PPM1L: variants seen among roughly 807,000 people sequenced by gnomAD.
The protein encoded by PPM1L is protein phosphatase 1L.
In PPM1L, 13 loss-of-function variants were observed where a neutral mutation model predicts 31.4. That is an observed-to-expected ratio of 0.41 (90% CI 0.27 to 0.66). The LOEUF (loss-of-function observed/expected upper bound fraction) is 0.66, where lower values mean the gene tolerates loss of function less well. PPM1L is among the 30% of genes least tolerant of loss of function. The pLI, the probability that PPM1L is intolerant of heterozygous loss-of-function variation, is 0.29. For missense variants in PPM1L, 326 were observed against 453.7 expected, an observed-to-expected ratio of 0.72 and a Z score of 2.56; for synonymous variants, 184 against 175.4, an observed-to-expected ratio of 1.05 and a Z score of -0.39.
At chr3:160,815,884 A>C (rs2108087897) in intron 1 of PPM1L, among the ~76,000 whole-genome samples, 1 of 152,306 alleles carries the variant, frequency 6.6e-6, no homozygotes, top group Non-Finnish European at 1.5e-5. Context: ...GAACAGTGAA[A>C]GGTTATAAAT....
intron 2 of PPM1L, among the ~76,000 whole-genome samples, chr3:161,028,330 G>C (rs1718467780): frequency 6.6e-6 from 1 of 152,118 alleles, no homozygotes; most frequent in Admixed American, 6.5e-5. Context: ...ACAGAATGTA[G>C]AGTCCCTGTA....
At chr3:161,055,310 A>G (rs898681) in intron 2 of PPM1L, among the ~76,000 whole-genome samples, 95,843 of 151,942 alleles carry the variant, frequency 0.63, 32,561 homozygotes, top group East Asian at 0.97. Context: ...AGTAGGGGTC[A>G]GGGAGTCTTA....
intron 1 of PPM1L, among the ~76,000 whole-genome samples, chr3:160,870,296 G>A (rs932152649): frequency 5.9e-5 from 9 of 152,200 alleles, no homozygotes; most frequent in African/African-American, 2.2e-4. Context: ...TGAAGATCAC[G>A]AAGCAGTTGT....
At chr3:160,915,168 C>A (rs554213158) in intron 1 of PPM1L, among the ~76,000 whole-genome samples, 1 of 152,254 alleles carries the variant, frequency 6.6e-6, no homozygotes, top group South Asian at 2.1e-4. Flanking sequence ...CCCATCGTCT[C>A]AGCCCAAAAT....
At chr3:160,815,094 A>G (rs2108087441) in intron 1 of PPM1L, among the ~76,000 whole-genome samples, 1 of 152,240 alleles carries the variant, frequency 6.6e-6, no homozygotes, top group Non-Finnish European at 1.5e-5. Context: ...CCAGAATCTC[A>G]GAAATCACCA....
At chr3:160,937,105 C>G (rs1352242499) in intron 1 of PPM1L, among the ~76,000 whole-genome samples, 1 of 152,112 alleles carries the variant, frequency 6.6e-6, no homozygotes, top group Non-Finnish European at 1.5e-5. Context: ...TTTTTTACCT[C>G]TAGTAGAAGC....
chr3:160,905,311 G>C (rs1560146043), intron 1 of PPM1L, among the ~76,000 whole-genome samples: 1 of 152,070 alleles, frequency 6.6e-6, no homozygotes, highest in South Asian at 2.1e-4. Flanking sequence ...TTTGCCAATG[G>C]TAATTCTTAA....
chr3:160,953,696 C>T (rs1388167991), intron 1 of PPM1L, among the ~76,000 whole-genome samples: 1 of 152,048 alleles, frequency 6.6e-6, no homozygotes, highest in Non-Finnish European at 1.5e-5. Flanking sequence ...AAGTTTAATA[C>T]CTTTTCCTCA....
At chr3:161,040,069 G>C (rs891287278) in intron 2 of PPM1L, among the ~76,000 whole-genome samples, 1 of 152,136 alleles carries the variant, frequency 6.6e-6, no homozygotes, top group Non-Finnish European at 1.5e-5. Flanking sequence ...GAATGGGTTG[G>C]TTATTTCATT....
chr3:160,790,082 A>G (rs1010194908), intron 1 of PPM1L, among the ~76,000 whole-genome samples: 3 of 152,154 alleles, frequency 2.0e-5, no homozygotes, highest in African/African-American at 4.8e-5. Flanking sequence ...AAAGTTCAGT[A>G]CATGAAACCA....
At chr3:160,886,806 C>T in intron 1 of PPM1L, among the ~76,000 whole-genome samples, 1 of 152,076 alleles carries the variant, frequency 6.6e-6, no homozygotes, top group East Asian at 1.9e-4. Flanking sequence ...GGCCTCTTTT[C>T]CTCCAAATGA....
intron 2 of PPM1L, among the ~76,000 whole-genome samples, chr3:160,994,787 A>G (rs1211416324): frequency 6.6e-6 from 1 of 152,184 alleles, no homozygotes; most frequent in Non-Finnish European, 1.5e-5. Context: ...AGATGATGCT[A>G]AGCACTATGG....
At chr3:160,805,448 G>A (rs190865317) in intron 1 of PPM1L, among the ~76,000 whole-genome samples, 21 of 152,286 alleles carry the variant, frequency 1.4e-4, no homozygotes, top group Non-Finnish European at 2.8e-4. Context: ...GAGGCCGGGT[G>A]CAGTGGCTCA....
At chr3:160,886,418 G>GT in intron 1 of PPM1L, among the ~76,000 whole-genome samples, 1 of 152,320 alleles carries the variant, frequency 6.6e-6, no homozygotes, top group East Asian at 1.9e-4. Context: ...TCCAACAGGG[G>GT]TTTTCAGACA....
chr3:160,915,947 A>G (rs1444217659), intron 1 of PPM1L, among the ~76,000 whole-genome samples: 1 of 152,268 alleles, frequency 6.6e-6, no homozygotes, highest in Non-Finnish European at 1.5e-5. Context: ...ACCTAAAACC[A>G]TAAAAACCCT....
At chr3:160,770,378 T>C (rs1715218590) in intron 1 of PPM1L, among the ~76,000 whole-genome samples, 1 of 152,206 alleles carries the variant, frequency 6.6e-6, no homozygotes, top group Non-Finnish European at 1.5e-5. Context: ...TAAAAATGCC[T>C]TCAGTTTATG....
intron 1 of PPM1L, among the ~76,000 whole-genome samples, chr3:160,821,886 G>A (rs550379369): frequency 9.2e-5 from 14 of 151,824 alleles, no homozygotes; most frequent in Non-Finnish European, 1.8e-4. Flanking sequence ...ATTAATCACT[G>A]AGTTCTTACT....
chr3:161,000,476 C>A (rs1245424322), intron 2 of PPM1L, among the ~76,000 whole-genome samples: 1 of 151,938 alleles, frequency 6.6e-6, no homozygotes, highest in Non-Finnish European at 1.5e-5. Context: ...CAAAAAGTGA[C>A]CAGTAAAAAT....
chr3:160,815,290 C>T (rs575711724), intron 1 of PPM1L, among the ~76,000 whole-genome samples: 2 of 152,262 alleles, frequency 1.3e-5, no homozygotes, highest in South Asian at 2.1e-4. Flanking sequence ...TACTCTTTTA[C>T]GAGGCTATAT....
Sources: allele counts gnomAD v4.1 joint callset (sites outside exome capture counted in the v4.1 genomes callset), GRCh38; gene constraint gnomAD v4.1.1; transcripts MANE v1.5; gene names NCBI Gene and HGNC (gene_info 2026-07-23, HGNC 2026-07-21).